The following MBD5 variants were observed in gnomAD, a reference collection of about 807,000 sequenced individuals.
MBD5 encodes the protein methyl-CpG-binding domain protein 5.
In MBD5, 13 loss-of-function variants were observed where a neutral mutation model predicts 117.3. The ratio of observed to expected loss-of-function variants is 0.11; its 90% CI spans 0.07 to 0.18. The LOEUF is 0.18. MBD5 is among the 10% of genes least tolerant of loss of function. The probability of loss-of-function intolerance (pLI) is 1.00; values close to 1 mark genes in which losing one functional copy is unlikely to be tolerated. For missense variants in MBD5, 1,879 were observed against 2,093.8 expected (o/e 0.90, Z 2.00); for synonymous variants, 727 against 766.4 (o/e 0.95, Z 0.85).
chr2:148,457,650 C>T (rs2105529562), intron 4 of MBD5, among the ~76,000 whole-genome samples: 1 of 152,162 alleles, frequency 6.6e-6, no homozygotes, highest in South Asian at 2.1e-4. Context: ...AACTTCCACT[C>T]ATATTCAGTA....
At chr2:148,039,512 G>A (rs556177537) in intron 1 of MBD5, among the ~76,000 whole-genome samples, 2 of 152,088 alleles carry the variant, frequency 1.3e-5, no homozygotes, top group African/African-American at 2.4e-5. Flanking sequence ...AAGAAAACTC[G>A]AGGCTTAAAA....
chr2:148,440,014 C>T (rs968747088), intron 4 of MBD5, among the ~76,000 whole-genome samples: 7 of 152,126 alleles, frequency 4.6e-5, no homozygotes, highest in South Asian at 4.2e-4. Context: ...GCTAAGATTA[C>T]AGGAGTGAGC....
At chr2:148,309,252 C>T (rs1701968757) in intron 3 of MBD5, among the ~76,000 whole-genome samples, 2 of 152,130 alleles carry the variant, frequency 1.3e-5, no homozygotes, top group Admixed American at 6.6e-5. Context: ...GGCAGTATGG[C>T]CATTTTCACG....
chr2:148,142,145 A>G (rs1316852860), intron 1 of MBD5, among the ~76,000 whole-genome samples: 1 of 152,210 alleles, frequency 6.6e-6, no homozygotes, highest in African/African-American at 2.4e-5. Context: ...GGAGTCCCAC[A>G]AAAGAAGAAC....
intron 8 of MBD5, among the ~76,000 whole-genome samples, chr2:148,478,499 A>C (rs895724575): frequency 6.6e-6 from 1 of 152,168 alleles, no homozygotes; most frequent in Admixed American, 6.5e-5. Flanking sequence ...CGGAGGTTGC[A>C]GTGAGCCAAG....
intron 1 of MBD5, among the ~76,000 whole-genome samples, chr2:148,088,258 A>G (rs1265335875): frequency 3.3e-5 from 5 of 152,122 alleles, no homozygotes; most frequent in Admixed American, 3.3e-4. Context: ...GAGGAAGAAG[A>G]TAAATTTAAA....
Position 148,489,937 on chromosome 2 carries a change from C to T in MBD5, c.4305C>T (p.Ser1435=). The change falls in exon 11 of 14, where the codon AGC becomes AGT. Residue 1435 remains serine, a synonymous_variant. Coordinates refer to ENST00000642680, the MANE Select transcript of MBD5 (RefSeq NM_001378120.1). ...AAAAACAGTGGGACGGGGAGCAAAGCCCCAGAGGGGAGCGAAACAGGTGGA... is the reference window on the plus strand; with the variant it reads ...AAAAACAGTGGGACGGGGAGCAAAGTCCCAGAGGGGAGCGAAACAGGTGGA... The part of the protein sequence containing the change: ...TSKKQWDGEQ[S]PRGERNRWKY... 1 of 1,613,982 alleles carries T rather than the reference C, an allele frequency of 6.2e-7. No homozygotes were observed. The highest frequency in any genetic ancestry group is 8.5e-7 in the Non-Finnish European group (1 of 1,179,992).
chr2:148,345,197 TATAC>T (rs1486680535), intron 4 of MBD5, among the ~76,000 whole-genome samples: 4 of 140,956 alleles, frequency 2.8e-5, no homozygotes, highest in Admixed American at 7.3e-5. Flanking sequence ...TGTGTGTGTA[TATAC>T]GTATATATGT....
In MBD5 at chr2:148,147,414, G is replaced by A. The variant is rs1697495680; in HGVS notation, c.-924-31286G>A. On this transcript the variant is annotated intron_variant, in intron 1 of 13. Transcript: ENST00000642680. ...GCACCACCCCACCCTGCTAATTTTT[G>A]TATTTTTAGTAGAGACGAGGTTTCA... Among the ~76,000 whole-genome samples, 3 of 150,774 alleles carry A rather than the reference G, an allele frequency of 2.0e-5. No homozygotes were observed. The South Asian group carries it at 6.3e-4, about 32-fold the overall frequency.
chr2:148,152,474 G>T (rs1697708981), intron 1 of MBD5, among the ~76,000 whole-genome samples: 1 of 151,960 alleles, frequency 6.6e-6, no homozygotes, highest in African/African-American at 2.4e-5. Context: ...GCAGAGCTGA[G>T]TTCAATTCCT....
At chr2:148,085,837 A>G (rs1695768216) in intron 1 of MBD5, among the ~76,000 whole-genome samples, 2 of 152,222 alleles carry the variant, frequency 1.3e-5, no homozygotes, top group African/African-American at 2.4e-5. Context: ...ATAAATGTTC[A>G]TAGTCCTTTA....
At chr2:148,094,638 T>A (rs1031077546) in intron 1 of MBD5, among the ~76,000 whole-genome samples, 4 of 152,182 alleles carry the variant, frequency 2.6e-5, no homozygotes, top group African/African-American at 9.6e-5. Flanking sequence ...GTGTTATCTG[T>A]ATTGATATTT....
intron 4 of MBD5, among the ~76,000 whole-genome samples, chr2:148,361,503 G>A (rs938115361): frequency 6.6e-6 from 1 of 152,172 alleles, no homozygotes; most frequent in African/African-American, 2.4e-5. Flanking sequence ...AAAAGGTAGG[G>A]TATATGTTGA....
intron 1 of MBD5, among the ~76,000 whole-genome samples, chr2:148,034,423 A>C (rs1040595139): frequency 2.6e-5 from 4 of 152,168 alleles, no homozygotes; most frequent in Non-Finnish European, 5.9e-5. Flanking sequence ...AAAAAACCCA[A>C]AAGGCTGCTT....
Position 148,237,929 on chromosome 2 carries a change from CT to C in MBD5, c.-680+4537del, listed in dbSNP as rs542936516. On this transcript the variant is annotated intron_variant, in intron 3 of 13. Coordinates refer to ENST00000642680, the MANE Select transcript of MBD5 (RefSeq NM_001378120.1). Reference sequence around the variant, plus strand: ...TTTTTTTCACCCCCAATTTGTATATCTTTAAAATTTGAGTGCTAATAATAAT... The same window carrying C: ...TTTTTTTCACCCCCAATTTGTATATCTTAAAATTTGAGTGCTAATAATAAT... Among the ~76,000 whole-genome samples, 35 of 152,206 alleles carry C rather than the reference CT, an allele frequency of 2.3e-4. No homozygotes were observed. In the East Asian group the frequency reaches 6.8e-3, roughly 29 times the overall value.
intron 1 of MBD5, among the ~76,000 whole-genome samples, chr2:148,172,402 G>T (rs1698284447): frequency 6.6e-6 from 1 of 152,216 alleles, no homozygotes; most frequent in Non-Finnish European, 1.5e-5. Context: ...GCATGCTCGG[G>T]GCTGTGCAGA....
At chr2:148,167,570 A>G (rs1306079847) in intron 1 of MBD5, among the ~76,000 whole-genome samples, 1 of 152,170 alleles carries the variant, frequency 6.6e-6, no homozygotes, top group Non-Finnish European at 1.5e-5. Flanking sequence ...AATGAAATTT[A>G]TCTTTATAAT....
At chr2:148,076,665 A>T (rs1173062411) in intron 1 of MBD5, among the ~76,000 whole-genome samples, 1 of 152,226 alleles carries the variant, frequency 6.6e-6, no homozygotes, top group East Asian at 1.9e-4. Context: ...TAACTAACAG[A>T]GGTTATCATT....
chr2:148,155,315 A>G (rs1396864761), intron 1 of MBD5, among the ~76,000 whole-genome samples: 1 of 152,172 alleles, frequency 6.6e-6, no homozygotes, highest in African/African-American at 2.4e-5. Context: ...GCAGCTGCTC[A>G]GTGTGAGGCA....
Sources: allele counts gnomAD v4.1 joint callset (sites outside exome capture counted in the v4.1 genomes callset), GRCh38; gene constraint gnomAD v4.1.1; transcripts MANE v1.5; gene names NCBI Gene and HGNC (gene_info 2026-07-23, HGNC 2026-07-21).